CADM1: variants seen among roughly 807,000 people sequenced by gnomAD.
The protein encoded by CADM1 is cell adhesion molecule 1.
CADM1 carries 15 observed loss-of-function variants against 53.1 expected under a neutral mutation model. The observed-to-expected ratio is 0.28, with a 90% CI of 0.19 to 0.44. The LOEUF (loss-of-function observed/expected upper bound fraction) is 0.44, where lower values mean the gene tolerates loss of function less well. Ranked by LOEUF, CADM1 falls within the 20% of genes least tolerant of loss-of-function variation. The pLI is 1.00. For synonymous variants in CADM1, 281 were observed against 243.0 expected (o/e 1.16, Z -1.45); for missense variants, 434 against 611.3 (o/e 0.71, Z 3.06).
chr11:115,247,153 T>G (rs925488782), intron 1 of CADM1, among the ~76,000 whole-genome samples: 2 of 152,212 alleles, frequency 1.3e-5, no homozygotes, highest in African/African-American at 4.8e-5. Context: ...TTACTATGCA[T>G]GGTTTGATTA....
chr11:115,233,440 GC>G (rs1941896938), intron 3 of CADM1, among the ~76,000 whole-genome samples: 1 of 152,182 alleles, frequency 6.6e-6, no homozygotes. Context: ...GTTCATCCAT[GC>G]TAGATGACAG....
chr11:115,490,204 A>T lies in CADM1; in HGVS notation c.124+14067T>A, dbSNP rs12281277. ...GAAACAATTAAGGGGCTGTTATACC[A>T]TTGTAAGTCTACTTTCCTCGTCTGT... On this transcript the variant is annotated intron_variant, in intron 1 of 11. Transcript: ENST00000331581. Among the ~76,000 whole-genome samples, 639 of 152,274 alleles carry T rather than the reference A, an allele frequency of 4.2e-3. 4 individuals are homozygous for T. Among genetic ancestry groups the T allele is most frequent in the African/African-American group, 0.015 (619 of 41,550 alleles).
intron 1 of CADM1, among the ~76,000 whole-genome samples, chr11:115,400,659 G>GTATATA (rs1160438904): frequency 2.6e-4 from 10 of 38,664 alleles, no homozygotes; most frequent in Non-Finnish European, 4.3e-4. Flanking sequence ...GTGTGTGTGT[G>GTATATA]TGTATATATA....
chr11:115,388,627 G>A (rs963250352), intron 1 of CADM1, among the ~76,000 whole-genome samples: 5 of 152,056 alleles, frequency 3.3e-5, no homozygotes, highest in African/African-American at 9.7e-5. Context: ...TGAAGGACAT[G>A]TTACTTCAGT....
chr11:115,198,564 C>A (rs1438977634), intron 8 of CADM1, 126 bp from the exon 9 acceptor site: 1 of 717,978 alleles, frequency 1.4e-6, no homozygotes, highest in Admixed American at 2.1e-5. Context: ...CATCGCGTGA[C>A]AAGCAATAAT....
chr11:115,374,721 T>A (rs541188220), intron 1 of CADM1, among the ~76,000 whole-genome samples: 10 of 152,194 alleles, frequency 6.6e-5, no homozygotes, highest in South Asian at 2.1e-4. Context: ...AAAAAATTTT[T>A]AAAAAACATG....
chr11:115,426,922 T>C (rs1252073877), intron 1 of CADM1, among the ~76,000 whole-genome samples: 1 of 152,124 alleles, frequency 6.6e-6, no homozygotes, highest in Non-Finnish European at 1.5e-5. Flanking sequence ...CAAATTTCAC[T>C]TAATCTGTTC....
At chr11:115,434,706 C>T (rs987784942) in intron 1 of CADM1, among the ~76,000 whole-genome samples, 9 of 152,010 alleles carry the variant, frequency 5.9e-5, no homozygotes, top group Non-Finnish European at 1.3e-4. Flanking sequence ...CTGGTTTTCA[C>T]CTCTCCCCCT....
intron 1 of CADM1, among the ~76,000 whole-genome samples, chr11:115,451,432 C>T (rs929363154): frequency 6.6e-6 from 1 of 152,154 alleles, no homozygotes; most frequent in Non-Finnish European, 1.5e-5. Context: ...GGCTAATTTC[C>T]CCTTCTTGAT....
In CADM1 at chr11:115,203,273, G is replaced by A. The variant is rs896711118; in HGVS notation, c.1079-4835C>T. Among the ~76,000 whole-genome samples the A allele has an allele frequency of 3.9e-5, 6 of 152,126 alleles. No individual in the cohort carries two copies. The South Asian group carries it at 8.3e-4, about 21-fold the overall frequency. On this transcript the variant is annotated intron_variant, in intron 8 of 11. Transcript: ENST00000331581. ...ATGTTCTGCAAAATAATAGGAATCT[G>A]TATAGTGGTTTCATTTAACAAGAAA...
At chr11:115,391,626 C>G (rs1418289472) in intron 1 of CADM1, among the ~76,000 whole-genome samples, 1 of 152,096 alleles carries the variant, frequency 6.6e-6, no homozygotes, top group Non-Finnish European at 1.5e-5. Context: ...ATGTTTTTTC[C>G]TTTTTCCCCA....
At chr11:115,430,580 T>A (rs1326603594) in intron 1 of CADM1, among the ~76,000 whole-genome samples, 5 of 152,210 alleles carry the variant, frequency 3.3e-5, no homozygotes, top group Admixed American at 3.3e-4. Flanking sequence ...ACAAAGGGGT[T>A]ATCAAATTTC....
chr11:115,221,573 A>C (rs11825649), intron 5 of CADM1, among the ~76,000 whole-genome samples: 13,279 of 152,270 alleles, frequency 0.087, 1,556 homozygotes, highest in African/African-American at 0.26. Flanking sequence ...TTGCTGGCAG[A>C]TTACAATTGA....
intron 1 of CADM1, among the ~76,000 whole-genome samples, chr11:115,282,650 G>A (rs1429806687): frequency 6.6e-6 from 1 of 152,176 alleles, no homozygotes; most frequent in Non-Finnish European, 1.5e-5. Context: ...CTCCTAGGGT[G>A]TTGTTAGAGG....
chr11:115,490,262 T>A (rs933905845), intron 1 of CADM1, among the ~76,000 whole-genome samples: 1 of 151,900 alleles, frequency 6.6e-6, no homozygotes, highest in Non-Finnish European at 1.5e-5. Context: ...ATAGCTAATA[T>A]AGGGGGAGAT....
rs1395500451 is a variant in CADM1 at position 115,404,347 on chromosome 11, ATATATATATATAT to A, written c.124+99911_124+99923del. Among the ~76,000 whole-genome samples the A allele has an allele frequency of 2.3e-4, 10 of 43,554 alleles. No homozygotes were observed. The East Asian group carries it at 3.7e-3, about 16-fold the overall frequency. The allele number at this position is 43,554 out of a possible 152,430, so 28.6% of individuals were successfully genotyped here. ...TCTCGGAAAAAAAAAAAAAAAAAAAATATATATATATATATATATATATATATATATATATATA... is the reference window on the plus strand; with the variant it reads ...TCTCGGAAAAAAAAAAAAAAAAAAAAATATATATATATATATATATATATA... On this transcript the variant is annotated intron_variant, in intron 1 of 11. Coordinates refer to ENST00000331581, the MANE Select transcript of CADM1 (RefSeq NM_001301043.2).
intron 1 of CADM1, among the ~76,000 whole-genome samples, chr11:115,443,810 A>G (rs922701312): frequency 3.3e-5 from 5 of 152,226 alleles, no homozygotes; most frequent in South Asian, 2.1e-4. Context: ...CAAGATTTCA[A>G]ATTACTGGGG....
intron 1 of CADM1, among the ~76,000 whole-genome samples, chr11:115,309,167 T>C (rs1209103224): frequency 6.6e-6 from 1 of 152,118 alleles, no homozygotes; most frequent in Non-Finnish European, 1.5e-5. Flanking sequence ...TATGAGAACA[T>C]TTAAATGAAA....
At chr11:115,340,722 G>A (rs868365441) in intron 1 of CADM1, among the ~76,000 whole-genome samples, 2 of 134,144 alleles carry the variant, frequency 1.5e-5, no homozygotes, top group East Asian at 2.2e-4. Context: ...GTGTAGTGGC[G>A]CAACTTTGGC....
Sources: gnomAD v4.1 joint callset for allele counts (sites outside exome capture counted in the v4.1 genomes callset) on GRCh38, gnomAD v4.1.1 for gene constraint, MANE v1.5 for transcripts, NCBI Gene and HGNC (gene_info 2026-07-23, HGNC 2026-07-21) for gene names.